RBFOX2: variants seen among roughly 807,000 people sequenced by gnomAD.
RBFOX2 encodes RNA binding fox-1 homolog 2.
A neutral mutation model predicts 49.1 loss-of-function variants in RBFOX2; 10 were observed. That is an observed-to-expected ratio of 0.20 (90% confidence interval 0.13 to 0.35). The LOEUF (loss-of-function observed/expected upper bound fraction) is 0.35. RBFOX2 is among the 10% of genes least tolerant of loss of function. The pLI, the probability that RBFOX2 is intolerant of heterozygous loss-of-function variation, is 1.00. For missense variants in RBFOX2, 323 were observed against 486.9 expected (o/e 0.66, Z 3.17); for synonymous variants, 183 against 187.4 (o/e 0.98, Z 0.19).
intron 1 of RBFOX2, among the ~76,000 whole-genome samples, chr22:35,947,297 T>C (rs1243299030): frequency 6.6e-6 from 1 of 152,180 alleles, no homozygotes; most frequent in African/African-American, 2.4e-5. Flanking sequence ...GATGCTGGTG[T>C]AAACAAGCCT....
chr22:36,024,523 C>CT (rs2059357952), intron 1 of RBFOX2, among the ~76,000 whole-genome samples: 1 of 152,048 alleles, frequency 6.6e-6, no homozygotes, highest in Admixed American at 6.5e-5. Context: ...AGGCGATCAC[C>CT]TGAGGTCAGG....
At chr22:35,807,238 T>C (rs13053213) in intron 2 of RBFOX2, among the ~76,000 whole-genome samples, 1 of 152,194 alleles carries the variant, frequency 6.6e-6, no homozygotes, top group Non-Finnish European at 1.5e-5. Flanking sequence ...GACAAATAGT[T>C]TTACTATTTC....
chr22:35,897,585 G>C (rs2048017369), intron 1 of RBFOX2: 2 of 979,116 alleles, frequency 2.0e-6, no homozygotes, highest in African/African-American at 3.2e-5. Context: ...CCAGGTCAAA[G>C]AGGAGATATC....
At chr22:35,766,564 T>C (rs1941031600) in intron 5 of RBFOX2, among the ~76,000 whole-genome samples, 1 of 152,138 alleles carries the variant, frequency 6.6e-6, no homozygotes, top group African/African-American at 2.4e-5. Context: ...TGAAACTCCA[T>C]TTACTCTAGC....
chr22:35,905,458 G>A (rs1390358771), intron 1 of RBFOX2, among the ~76,000 whole-genome samples: 2 of 152,048 alleles, frequency 1.3e-5, no homozygotes, highest in African/African-American at 4.8e-5. Flanking sequence ...CTGTTAAGAA[G>A]AAATAAATTT....
chr22:35,874,605 A>G (rs529920234), intron 1 of RBFOX2, among the ~76,000 whole-genome samples: 1 of 152,342 alleles, frequency 6.6e-6, no homozygotes, highest in Non-Finnish European at 1.5e-5. Context: ...CATGGAAGTA[A>G]TAGTGATTAA....
At chr22:35,897,369 G>A in intron 1 of RBFOX2, 2 of 1,178,654 alleles carry the variant, frequency 1.7e-6, no homozygotes, top group East Asian at 2.3e-5. Flanking sequence ...TTCCAGTGGT[G>A]TTGCCTGAAT....
At position 35,746,474 on chromosome 22, in the gene RBFOX2, C is replaced by A. The variant is rs370030634; in HGVS notation, c.975G>T (p.Thr325=). The A allele has an allele frequency of 1.4e-5, 22 of 1,596,382 alleles. No individual in the cohort carries two copies. Among genetic ancestry groups the A allele is most frequent in the Non-Finnish European group, 1.8e-5 (21 of 1,168,344 alleles). ...GCTCACCACTGTCTCTGTACATACC[C>A]GTCACTGTAAGCGGCTGCAGCGGCT... The change falls in exon 10 of 12, where the codon ACG becomes ACT. Residue 325 remains threonine (T), a splice_region_variant and synonymous_variant. Coordinates refer to ENST00000405409, the Ensembl canonical transcript of RBFOX2.
intron 4 of RBFOX2, among the ~76,000 whole-genome samples, chr22:35,773,958 A>C (rs1475973672): frequency 6.6e-6 from 1 of 152,100 alleles, no homozygotes; most frequent in Non-Finnish European, 1.5e-5. Flanking sequence ...GAACTAGGTG[A>C]CCATTTTGGG....
At chr22:35,888,972 T>C (rs1431182808) in intron 1 of RBFOX2, among the ~76,000 whole-genome samples, 2 of 152,084 alleles carry the variant, frequency 1.3e-5, no homozygotes, top group African/African-American at 4.8e-5. Context: ...CTGGCCAACA[T>C]GGTGAAACTC....
At chr22:35,890,494 T>C (rs1603440382) in intron 1 of RBFOX2, among the ~76,000 whole-genome samples, 1 of 152,194 alleles carries the variant, frequency 6.6e-6, no homozygotes, top group African/African-American at 2.4e-5. Context: ...TCTCAAAATA[T>C]AATACTTTTG....
upstream of RBFOX2, among the ~76,000 whole-genome samples, chr22:35,939,053 C>T (rs117096197): frequency 2.0e-5 from 3 of 152,292 alleles, no homozygotes; most frequent in East Asian, 3.9e-4. Context: ...TATATCTCCT[C>T]GTTAAGCCTC....
At chr22:35,947,738 CAAATA>C (rs1465089047) in intron 1 of RBFOX2, among the ~76,000 whole-genome samples, 4 of 64,944 alleles carry the variant, frequency 6.2e-5, no homozygotes, top group East Asian at 5.5e-4. Context: ...AATAAGAATA[CAAATA>C]AAATATTTTT....
At chr22:35,828,397 T>C (rs1372885421) in intron 1 of RBFOX2, among the ~76,000 whole-genome samples, 3 of 152,008 alleles carry the variant, frequency 2.0e-5, no homozygotes, top group African/African-American at 7.2e-5. Context: ...GTGGGTTCCA[T>C]GAATTGAGAA....
intron 1 of RBFOX2, among the ~76,000 whole-genome samples, chr22:35,819,412 T>C (rs961538032): frequency 6.6e-6 from 1 of 152,214 alleles, no homozygotes; most frequent in African/African-American, 2.4e-5. Context: ...AACATTTTTT[T>C]TGGTTTTTAA....
chr22:35,879,160 A>G (rs1047090919), intron 1 of RBFOX2, among the ~76,000 whole-genome samples: 11 of 152,232 alleles, frequency 7.2e-5, no homozygotes, highest in African/African-American at 2.4e-4. Flanking sequence ...AGACATGAGT[A>G]TATCTGGAGA....
chr22:35,746,947 A>G (rs1932951270), intron 9 of RBFOX2: 1 of 161,434 alleles, frequency 6.2e-6, no homozygotes, highest in Non-Finnish European at 1.3e-5. Context: ...TAAATTATAA[A>G]GTTAAAATAT....
intron 2 of RBFOX2, among the ~76,000 whole-genome samples, chr22:35,808,387 T>C (rs1337158818): frequency 5.3e-5 from 8 of 152,228 alleles, no homozygotes; most frequent in Admixed American, 2.0e-4. Flanking sequence ...CAATACTTGA[T>C]GAAAGAAAAT....
intron 1 of RBFOX2, among the ~76,000 whole-genome samples, chr22:35,813,444 T>C (rs535337256): frequency 1.3e-5 from 2 of 152,322 alleles, no homozygotes; most frequent in Non-Finnish European, 2.9e-5. Flanking sequence ...TAAGTATATC[T>C]CATCTGAGAA....
Sources: gnomAD v4.1 joint callset for allele counts (sites outside exome capture counted in the v4.1 genomes callset) on GRCh38, gnomAD v4.1.1 for gene constraint, MANE v1.5 for transcripts, NCBI Gene and HGNC (gene_info 2026-07-23, HGNC 2026-07-21) for gene names.